CRB1: variants seen among roughly 807,000 people sequenced by gnomAD.
CRB1 encodes crumbs cell polarity complex component 1.
A neutral mutation model predicts 120.0 loss-of-function variants in CRB1; 83 were observed. The observed-to-expected ratio is 0.69, with a 90% CI of 0.58 to 0.83. The LOEUF is 0.83. Ranked by LOEUF, CRB1 falls within the 40% of genes least tolerant of loss-of-function variation. CRB1 has a pLI of 0.00. For synonymous variants in CRB1, 625 were observed against 612.5 expected (o/e 1.02, Z -0.30); for missense variants, 1,699 against 1,687.6 (o/e 1.01, Z -0.12).
intron 11 of CRB1, among the ~76,000 whole-genome samples, chr1:197,454,409 C>T (rs1172385612): frequency 6.6e-6 from 1 of 151,968 alleles, no homozygotes; most frequent in African/African-American, 2.4e-5. Flanking sequence ...AATCTCTTTT[C>T]CTTTCATCTT....
At chr1:197,428,150 C>A in intron 7 of CRB1, 149 bp downstream of exon 7, 1 of 758,630 alleles carries the variant, frequency 1.3e-6, no homozygotes, top group African/African-American at 1.8e-5. Flanking sequence ...ATTGTTCCAA[C>A]AAGACTGTGA....
At position 197,421,566 on chromosome 1, in the gene CRB1, C is replaced by G. The variant is rs761775378; in HGVS notation, c.1738C>G (p.Leu580Val). The change falls in exon 6 of 12, where the codon CTT becomes GTT. Residue 580 changes from leucine (L) to valine (V), a missense_variant. Physicochemically the swap from Leu to Val is conservative, Grantham distance 32. Transcript: ENST00000367400. ...VEVIFAEAVT[L>V]TLIDDSCKEK... ...GGTAATATTTGCAGAGGCTGTGACCCTTACCTTAATCGACGACTCCTGTAA... is the reference window on the plus strand; with the variant it reads ...GGTAATATTTGCAGAGGCTGTGACCGTTACCTTAATCGACGACTCCTGTAA... 1 of 1,614,098 alleles carries G rather than the reference C, an allele frequency of 6.2e-7. No homozygotes were observed. The highest frequency in any genetic ancestry group is 1.3e-5 in the African/African-American group (1 of 74,932).
chr1:197,347,301 T>C (rs758266571), intron 3 of CRB1, 39 bp from the exon 4 acceptor site: 1 of 1,583,654 alleles, frequency 6.3e-7, no homozygotes, highest in South Asian at 1.1e-5. Flanking sequence ...GATCTCAATA[T>C]GACTAAGAGT....
At chr1:197,388,501 G>C (rs974981864) in intron 5 of CRB1, among the ~76,000 whole-genome samples, 3 of 152,032 alleles carry the variant, frequency 2.0e-5, no homozygotes, top group Admixed American at 1.3e-4. Flanking sequence ...CAATGAAATA[G>C]AGCCACAGCA....
the CRB1 span, among the ~76,000 whole-genome samples, chr1:197,254,067 A>G: frequency 6.6e-6 from 1 of 152,136 alleles, no homozygotes; most frequent in Non-Finnish European, 1.5e-5. Context: ...TCATCCTCCT[A>G]ATTCATACAT....
At position 197,361,098 on chromosome 1, in the gene CRB1, A is replaced by G. The variant is rs541014911; in HGVS notation, c.1171+4085A>G. On this transcript the variant is annotated intron_variant, in intron 5 of 11. Transcript: ENST00000367400. ...ATTGAACCAGACTTGCACATCTGAAATAAATCCCACTTGGTGTATTTTTTT... is the reference window on the plus strand; with the variant it reads ...ATTGAACCAGACTTGCACATCTGAAGTAAATCCCACTTGGTGTATTTTTTT... Among the ~76,000 whole-genome samples the G allele has an allele frequency of 6.2e-4, 95 of 152,266 alleles. No individual in the cohort carries two copies. In the South Asian group the frequency reaches 0.012, roughly 20 times the overall value.
intron 11 of CRB1, among the ~76,000 whole-genome samples, chr1:197,476,362 T>TTGTGTG (rs35012815): frequency 6.4e-4 from 90 of 140,496 alleles, no homozygotes; most frequent in African/African-American, 1.8e-3. Flanking sequence ...TTATGATTAT[T>TTGTGTG]TGTGTGTGTG....
At position 197,319,432 on chromosome 1, in the gene CRB1, C is replaced by CAAAA. The variant is rs10646084; in HGVS notation, c.71-8967_71-8964dup. On this transcript the variant is annotated intron_variant, in intron 1 of 11. Transcript: ENST00000367400. Reference sequence around the variant, plus strand: ...TGGGTGACAGAGTGAGACTCCATCTCAAAAAAAAAAAAAAAAAAAAAAAAA... The same window carrying CAAAA: ...TGGGTGACAGAGTGAGACTCCATCTCAAAAAAAAAAAAAAAAAAAAAAAAAAAAA... 5.0e-3 allele frequency among the ~76,000 whole-genome samples: 135 copies of CAAAA among 27,058 alleles called. 15 individuals carry two copies. Among genetic ancestry groups the CAAAA allele is most frequent in the African/African-American group, 0.011 (66 of 6,000 alleles). The allele number at this position is 27,058 out of a possible 152,430, so 17.8% of individuals were successfully genotyped here.
intron 5 of CRB1, 61 bp from the exon 6 acceptor site, chr1:197,420,939 G>T (rs907979913): frequency 4.6e-6 from 5 of 1,097,992 alleles, no homozygotes; most frequent in Non-Finnish European, 7.0e-6. Flanking sequence ...AGTAAATTAC[G>T]TGAAACTTCT....
At chr1:197,312,206 C>T (rs1657573737) in intron 1 of CRB1, among the ~76,000 whole-genome samples, 2 of 152,120 alleles carry the variant, frequency 1.3e-5, no homozygotes. Context: ...TTATTAGTTG[C>T]TATTCACTGA....
chr1:197,372,220 A>G (rs1411440254), intron 5 of CRB1, among the ~76,000 whole-genome samples: 1 of 152,148 alleles, frequency 6.6e-6, no homozygotes, highest in Non-Finnish European at 1.5e-5. Flanking sequence ...GGACTCAGCC[A>G]ATTGTACATA....
intron 4 of CRB1, among the ~76,000 whole-genome samples, chr1:197,354,779 G>T (rs1332225011): frequency 6.5e-5 from 7 of 107,966 alleles, no homozygotes; most frequent in African/African-American, 2.4e-4. Context: ...GCCACTGCTG[G>T]CTCCAGCAGC....
chr1:197,439,546 C>A (rs1222954780), intron 10 of CRB1: 1 of 152,134 alleles, frequency 6.6e-6, no homozygotes, highest in Non-Finnish European at 1.5e-5. Context: ...AGCCTCTGCT[C>A]TTCTATTTGA....
At chr1:197,238,874 A>G in the CRB1 span, among the ~76,000 whole-genome samples, 5 of 152,236 alleles carry the variant, frequency 3.3e-5, 1 homozygote, top group African/African-American at 1.2e-4. Flanking sequence ...TATTATAAAA[A>G]CAAGACAAAT....
Position 197,287,756 on chromosome 1 carries a change from T to G in CRB1, c.70+19274T>G, listed in dbSNP as rs572262502. On this transcript the variant is annotated intron_variant, in intron 1 of 11. Transcript: ENST00000367400. ...TGATCCACCTGGAATTATTTCCTCC[T>G]TAGCTACACAAACAGGTAAAAACAA... Among the ~76,000 whole-genome samples the G allele has an allele frequency of 9.9e-5, 15 of 152,022 alleles. No homozygotes were observed. The South Asian group carries it at 2.7e-3, about 27-fold the overall frequency.
chr1:197,424,804 A>C (rs12068782), intron 6 of CRB1, among the ~76,000 whole-genome samples: 38 of 152,286 alleles, frequency 2.5e-4, no homozygotes, highest in East Asian at 1.5e-3. Context: ...GTATTCCATC[A>C]ATCATTAAAG....
chr1:197,335,687 A>G (rs1659111678), intron 2 of CRB1, among the ~76,000 whole-genome samples: 1 of 152,014 alleles, frequency 6.6e-6, no homozygotes, highest in Admixed American at 6.6e-5. Flanking sequence ...TTTAGTAGAG[A>G]TGGCATTTCA....
the CRB1 span, chr1:197,223,153 G>C: frequency 1.0e-6 from 1 of 960,136 alleles, no homozygotes. Context: ...TGATTGCCTT[G>C]GCCCTGGCTG....
chr1:197,325,857 G>A (rs1448140001), intron 1 of CRB1, among the ~76,000 whole-genome samples: 2 of 152,144 alleles, frequency 1.3e-5, no homozygotes, highest in East Asian at 3.8e-4. Context: ...ACCCAGATAT[G>A]AGCAATAATA....
Sources: gnomAD v4.1 joint callset for allele counts (sites outside exome capture counted in the v4.1 genomes callset) on GRCh38, gnomAD v4.1.1 for gene constraint, MANE v1.5 for transcripts, NCBI Gene and HGNC (gene_info 2026-07-23, HGNC 2026-07-21) for gene names.